Variants in TSPAN18 observed in about 807,000 individuals in gnomAD.
TSPAN18 encodes tetraspanin 18.
A neutral mutation model predicts 27.3 loss-of-function variants in TSPAN18; 14 were observed. The observed-to-expected ratio is 0.51, with a 90% CI of 0.34 to 0.80. The LOEUF is 0.80. TSPAN18 is among the 30% of genes least tolerant of loss of function. TSPAN18 has a pLI of 0.01. For synonymous variants in TSPAN18, 143 were observed against 136.5 expected (o/e 1.05, Z -0.33); for missense variants, 268 against 323.9 (o/e 0.83, Z 1.32).
At chr11:44,786,327 G>A (rs1856056251) in intron 2 of TSPAN18, among the ~76,000 whole-genome samples, 1 of 152,246 alleles carries the variant, frequency 6.6e-6, no homozygotes, top group African/African-American at 2.4e-5. Flanking sequence ...GCCTGCCCCA[G>A]GCCTCCTCAT....
intron 1 of TSPAN18, among the ~76,000 whole-genome samples, chr11:44,739,912 C>A (rs1251477741): frequency 6.6e-6 from 1 of 152,168 alleles, no homozygotes; most frequent in African/African-American, 2.4e-5. Context: ...GACCATGGGA[C>A]ATGGGAGAGG....
Position 44,887,727 on chromosome 11 carries a change from TA to T in TSPAN18, c.-10-18677del, listed in dbSNP as rs547202884. ...CCACCTGCTTTATCCTGTCTGACACTAAATGCACCAAGGAAAGCCGGAAGCT... is the reference window on the plus strand; with the variant it reads ...CCACCTGCTTTATCCTGTCTGACACTAATGCACCAAGGAAAGCCGGAAGCT... On this transcript the variant is annotated intron_variant, in intron 3 of 9. Transcript: ENST00000520358. Among the ~76,000 whole-genome samples the T allele has an allele frequency of 8.5e-5, 13 of 152,154 alleles. No homozygotes were observed. The South Asian group carries it at 2.5e-3, about 29-fold the overall frequency.
At chr11:44,875,777 T>C (rs529507228) in intron 3 of TSPAN18, among the ~76,000 whole-genome samples, 39 of 152,348 alleles carry the variant, frequency 2.6e-4, no homozygotes, top group African/African-American at 8.9e-4. Context: ...ATAATAGCTT[T>C]CTAAAGTGTG....
chr11:44,895,276 G>A (rs886875039), intron 3 of TSPAN18, among the ~76,000 whole-genome samples: 1 of 152,128 alleles, frequency 6.6e-6, no homozygotes, highest in African/African-American at 2.4e-5. Flanking sequence ...ATGTGGGCTG[G>A]GCATCCACTT....
chr11:44,732,750 C>T (rs940628631), intron 1 of TSPAN18, among the ~76,000 whole-genome samples: 2 of 152,202 alleles, frequency 1.3e-5, no homozygotes, highest in Non-Finnish European at 2.9e-5. Flanking sequence ...ATTGGAGTCA[C>T]AGATCTGAAA....
chr11:44,814,058 A>G (rs921989474), intron 2 of TSPAN18, among the ~76,000 whole-genome samples: 1 of 152,254 alleles, frequency 6.6e-6, no homozygotes, highest in African/African-American at 2.4e-5. Context: ...GCAAGAAAGG[A>G]GTCCTCAGGC....
chr11:44,904,680 G>A, intron 3 of TSPAN18, among the ~76,000 whole-genome samples: 1 of 152,230 alleles, frequency 6.6e-6, no homozygotes, highest in Non-Finnish European at 1.5e-5. Flanking sequence ...GAGTGGTGCT[G>A]TCATCACTGA....
intron 6 of TSPAN18, among the ~76,000 whole-genome samples, chr11:44,918,509 G>C (rs1257590439): frequency 6.6e-6 from 1 of 151,514 alleles, no homozygotes; most frequent in Non-Finnish European, 1.5e-5. Flanking sequence ...GAGTTGACCA[G>C]AGCCAGGCAC....
chr11:44,926,828 A>G, intron 9 of TSPAN18, 71 bp downstream of exon 9: 1 of 1,535,628 alleles, frequency 6.5e-7, no homozygotes, highest in Non-Finnish European at 9.0e-7. Flanking sequence ...AGATCCCCCC[A>G]GCCTCCTTTC....
At chr11:44,835,582 C>T (rs1368773374) in intron 2 of TSPAN18, among the ~76,000 whole-genome samples, 3 of 151,798 alleles carry the variant, frequency 2.0e-5, no homozygotes, top group Non-Finnish European at 4.4e-5. Context: ...TGGATCAAGC[C>T]CCTCCCCAAC....
At chr11:44,913,588 T>C (rs1859801295) in intron 5 of TSPAN18, among the ~76,000 whole-genome samples, 1 of 152,222 alleles carries the variant, frequency 6.6e-6, no homozygotes, top group Admixed American at 6.5e-5. Flanking sequence ...GAGATGAGTA[T>C]ATTCAAAAAA....
At chr11:44,917,846 G>A (rs996763191) in intron 5 of TSPAN18, 126 bp from the exon 6 acceptor site, 11 of 762,280 alleles carry the variant, frequency 1.4e-5, no homozygotes, top group Admixed American at 6.7e-5. Context: ...TAGCAGTGGA[G>A]TGCCTTAATC....
At chr11:44,917,733 T>G (rs1859965031) in intron 5 of TSPAN18, 2 of 554,780 alleles carry the variant, frequency 3.6e-6, no homozygotes, top group South Asian at 4.5e-5. Flanking sequence ...AGGGTACCAT[T>G]TGCATGGAAG....
intron 2 of TSPAN18, among the ~76,000 whole-genome samples, chr11:44,856,220 C>A (rs1306770249): frequency 3.3e-5 from 5 of 152,104 alleles, no homozygotes; most frequent in Non-Finnish European, 1.5e-5. Context: ...CACATTTCTG[C>A]CCTCTGATCT....
At chr11:44,924,133 T>C (rs1378122970) in intron 8 of TSPAN18, among the ~76,000 whole-genome samples, 1 of 96,780 alleles carries the variant, frequency 1.0e-5, no homozygotes, top group Non-Finnish European at 1.9e-5. Context: ...GTGTGTGTGA[T>C]TATATTGCAG....
intron 3 of TSPAN18, among the ~76,000 whole-genome samples, chr11:44,871,625 A>C (rs1233688135): frequency 6.6e-6 from 1 of 152,180 alleles, no homozygotes; most frequent in Non-Finnish European, 1.5e-5. Context: ...CGACCAGCAG[A>C]ACATAGTCAG....
At chr11:44,906,031 A>G (rs1341578516) in intron 3 of TSPAN18, among the ~76,000 whole-genome samples, 1 of 152,176 alleles carries the variant, frequency 6.6e-6, no homozygotes, top group Non-Finnish European at 1.5e-5. Flanking sequence ...GCAGTAGAGC[A>G]ACAACGTGAA....
At chr11:44,902,750 C>T (rs1259729255) in intron 3 of TSPAN18, among the ~76,000 whole-genome samples, 1 of 152,182 alleles carries the variant, frequency 6.6e-6, no homozygotes, top group Non-Finnish European at 1.5e-5. Context: ...TTTCAGGCCT[C>T]AGGAAGACCT....
At chr11:44,785,763 A>G (rs1670308) in intron 2 of TSPAN18, among the ~76,000 whole-genome samples, 22,728 of 152,042 alleles carry the variant, frequency 0.15, 2,688 homozygotes, top group East Asian at 0.52. Flanking sequence ...GACTGGACTT[A>G]GCATAACTTC....
Sources: gnomAD v4.1 joint callset for allele counts (sites outside exome capture counted in the v4.1 genomes callset) on GRCh38, gnomAD v4.1.1 for gene constraint, MANE v1.5 for transcripts, NCBI Gene and HGNC (gene_info 2026-07-23, HGNC 2026-07-21) for gene names.